The following ADGRL3 variants were observed in gnomAD, a reference collection of about 807,000 sequenced individuals.
ADGRL3 encodes the protein calcium-independent alpha-latrotoxin receptor 3.
ADGRL3 carries 62 observed loss-of-function variants against 153.5 expected under a neutral mutation model. The observed-to-expected ratio is 0.40, with a 90% CI of 0.33 to 0.50. The LOEUF (loss-of-function observed/expected upper bound fraction) is 0.50, where lower values mean the gene tolerates loss of function less well. Ranked by LOEUF, ADGRL3 falls within the 20% of genes least tolerant of loss-of-function variation. The pLI, the probability that ADGRL3 is intolerant of heterozygous loss-of-function variation, is 0.47. For synonymous variants in ADGRL3, 710 were observed against 672.5 expected, an observed-to-expected ratio of 1.06 and a Z score of -0.86; for missense variants, 1,641 against 1,859.4, an observed-to-expected ratio of 0.88 and a Z score of 2.16.
chr4:61,246,411 A>G (rs902649245), intron 1 of ADGRL3, among the ~76,000 whole-genome samples: 2 of 152,002 alleles, frequency 1.3e-5, no homozygotes, highest in African/African-American at 2.4e-5. Flanking sequence ...AGTCATTGCT[A>G]TGTTGCTGTA....
intron 8 of ADGRL3, among the ~76,000 whole-genome samples, chr4:61,782,723 T>C (rs1350132260): frequency 6.6e-6 from 1 of 152,106 alleles, no homozygotes; most frequent in Non-Finnish European, 1.5e-5. Context: ...TAAGCAATAA[T>C]CTTTTAATAT....
intron 1 of ADGRL3, among the ~76,000 whole-genome samples, chr4:61,317,612 CAG>C (rs1395553667): frequency 6.6e-6 from 1 of 151,970 alleles, no homozygotes; most frequent in Admixed American, 6.6e-5. Flanking sequence ...TTTTGAAGGA[CAG>C]AGGAGAATGA....
intron 13 of ADGRL3, among the ~76,000 whole-genome samples, chr4:61,933,393 T>TA: frequency 6.6e-6 from 1 of 152,174 alleles, no homozygotes; most frequent in Admixed American, 6.5e-5. Context: ...GATCCAGAAG[T>TA]ACTTTTGTCT....
At chr4:61,539,684 G>A (rs891993592) in intron 4 of ADGRL3, among the ~76,000 whole-genome samples, 1 of 152,134 alleles carries the variant, frequency 6.6e-6, no homozygotes, top group Non-Finnish European at 1.5e-5. Context: ...GCTACTTGGT[G>A]CTCTGTCTCT....
intron 2 of ADGRL3, among the ~76,000 whole-genome samples, chr4:61,411,887 T>G (rs2097092266): frequency 6.6e-6 from 1 of 152,220 alleles, no homozygotes; most frequent in Admixed American, 6.5e-5. Flanking sequence ...TATGAAATGA[T>G]AATTCCATCT....
chr4:62,015,573 C>T (rs1164884825), intron 21 of ADGRL3, among the ~76,000 whole-genome samples: 1 of 152,086 alleles, frequency 6.6e-6, no homozygotes, highest in African/African-American at 2.4e-5. Context: ...ATTTTTCTGC[C>T]TCCATTGAAT....
chr4:61,244,758 G>A (rs542572338), intron 1 of ADGRL3, among the ~76,000 whole-genome samples: 55 of 152,064 alleles, frequency 3.6e-4, no homozygotes, highest in African/African-American at 1.2e-3. Context: ...CTCGAATAGT[G>A]GGTCAGAGAA....
chr4:61,644,708 A>C (rs919266735), intron 5 of ADGRL3, among the ~76,000 whole-genome samples: 12 of 152,154 alleles, frequency 7.9e-5, no homozygotes, highest in Non-Finnish European at 1.6e-4. Flanking sequence ...ACTTCCAAGT[A>C]TGTGGTCAAT....
chr4:61,708,285 T>A (rs932161129), intron 6 of ADGRL3, among the ~76,000 whole-genome samples: 1 of 152,180 alleles, frequency 6.6e-6, no homozygotes, highest in South Asian at 2.1e-4. Flanking sequence ...AGTGAAGTAA[T>A]GTATCAAAGT....
chr4:61,621,937 G>A (rs573490663), intron 5 of ADGRL3, among the ~76,000 whole-genome samples: 2 of 152,150 alleles, frequency 1.3e-5, no homozygotes, highest in African/African-American at 4.8e-5. Context: ...TATTGTTTTT[G>A]TCTATGCCTG....
intron 8 of ADGRL3, among the ~76,000 whole-genome samples, chr4:61,801,905 A>G (rs755486265): frequency 6.6e-6 from 1 of 152,176 alleles, no homozygotes; most frequent in Non-Finnish European, 1.5e-5. Flanking sequence ...TGTAAAATAT[A>G]TATGAGTGTT....
intron 1 of ADGRL3, among the ~76,000 whole-genome samples, chr4:61,361,024 T>A (rs1462591451): frequency 1.3e-5 from 2 of 152,160 alleles, no homozygotes; most frequent in Non-Finnish European, 2.9e-5. Flanking sequence ...ATTAATCTAA[T>A]AAGTACAGTG....
chr4:62,059,910 T>TA (rs1451375172), intron 25 of ADGRL3, among the ~76,000 whole-genome samples: 1 of 152,112 alleles, frequency 6.6e-6, no homozygotes, highest in Non-Finnish European at 1.5e-5. Flanking sequence ...TAAAATACAT[T>TA]AAAAATTAGA....
chr4:61,904,177 T>TAAAA (rs5858740), intron 11 of ADGRL3, among the ~76,000 whole-genome samples: 1 of 136,146 alleles, frequency 7.3e-6, no homozygotes, highest in Non-Finnish European at 1.5e-5. Flanking sequence ...TATTGTTCAT[T>TAAAA]AAAAAAAAAA....
At chr4:61,547,999 T>C (rs1407917005) in intron 4 of ADGRL3, among the ~76,000 whole-genome samples, 1 of 152,054 alleles carries the variant, frequency 6.6e-6, no homozygotes, top group Non-Finnish European at 1.5e-5. Flanking sequence ...TGATTAGTGA[T>C]GTTGAGTATT....
At chr4:61,302,238 A>G (rs2094602004) in intron 1 of ADGRL3, among the ~76,000 whole-genome samples, 1 of 152,082 alleles carries the variant, frequency 6.6e-6, no homozygotes, top group Non-Finnish European at 1.5e-5. Flanking sequence ...GCAATAATAG[A>G]GTTAAAATGA....
intron 1 of ADGRL3, among the ~76,000 whole-genome samples, chr4:61,356,066 T>G (rs934661862): frequency 6.6e-6 from 1 of 152,054 alleles, no homozygotes; most frequent in African/African-American, 2.4e-5. Context: ...TATTTACGAA[T>G]GGTGAAGATG....
chr4:61,571,759 C>T lies in ADGRL3; in HGVS notation c.260-15468C>T, dbSNP rs369356698. Among the ~76,000 whole-genome samples, 12 of 152,310 alleles carry T rather than the reference C, an allele frequency of 7.9e-5. 1 individual carries two copies. In the South Asian group the frequency reaches 2.5e-3, roughly 32 times the overall value. Reference sequence around the variant, plus strand: ...CTAATCATTTACTATGTGCCTAGCACTGTGCTTGATAATTGATTTAATTCC... The same window carrying T: ...CTAATCATTTACTATGTGCCTAGCATTGTGCTTGATAATTGATTTAATTCC... On this transcript the variant is annotated intron_variant, in intron 4 of 26. Transcript: ENST00000683033.
intron 9 of ADGRL3, among the ~76,000 whole-genome samples, chr4:61,855,724 AT>A (rs1345110327): frequency 6.6e-6 from 1 of 152,138 alleles, no homozygotes; most frequent in African/African-American, 2.4e-5. Context: ...AGAAAAAAAA[AT>A]ACTTGCCTAA....
Sources: gnomAD v4.1 joint callset for allele counts (sites outside exome capture counted in the v4.1 genomes callset) on GRCh38, gnomAD v4.1.1 for gene constraint, MANE v1.5 for transcripts, NCBI Gene and HGNC (gene_info 2026-07-23, HGNC 2026-07-21) for gene names.